The following OPA3 variants were observed in gnomAD, a reference collection of about 807,000 sequenced individuals.
The protein encoded by OPA3 is outer mitochondrial membrane lipid metabolism regulator OPA3.
In OPA3, 6 loss-of-function variants were observed where a neutral mutation model predicts 4.0. That is an observed-to-expected ratio of 1.51 (90% CI 0.83 to 2.99). The LOEUF (loss-of-function observed/expected upper bound fraction) is 2.99. OPA3 is among the 30% of genes most tolerant of loss of function. OPA3 has a pLI of 0.00. For missense variants in OPA3, 235 were observed against 256.2 expected (o/e 0.92, Z 0.56); for synonymous variants, 105 against 117.1 (o/e 0.90, Z 0.67).
chr19:45,571,579 CATATA>C (rs139564470), intron 1 of OPA3, among the ~76,000 whole-genome samples: 3,265 of 152,210 alleles, frequency 0.021, 102 homozygotes, highest in East Asian at 0.11. Flanking sequence ...GCCTGGCTGC[CATATA>C]ATATAACTGA....
intron 1 of OPA3, among the ~76,000 whole-genome samples, chr19:45,554,489 AG>A (rs1969391414): frequency 6.6e-6 from 1 of 152,204 alleles, no homozygotes. Flanking sequence ...AGCTCTTCAC[AG>A]TGAGGTTTTG....
At chr19:45,532,040 G>A (rs1969066435) in intron 1 of OPA3, among the ~76,000 whole-genome samples, 1 of 152,220 alleles carries the variant, frequency 6.6e-6, no homozygotes, top group Non-Finnish European at 1.5e-5. Flanking sequence ...TGCTAACAGT[G>A]GTGATTTATG....
At chr19:45,540,735 G>A (rs568054189) in intron 1 of OPA3, among the ~76,000 whole-genome samples, 49 of 150,974 alleles carry the variant, frequency 3.2e-4, no homozygotes, top group African/African-American at 1.1e-3. Flanking sequence ...CCTGGGAGGC[G>A]GAGAATGCAG....
At chr19:45,542,782 T>G (rs1192652756), downstream of OPA3, among the ~76,000 whole-genome samples, 2 of 149,320 alleles carry the variant, frequency 1.3e-5, no homozygotes, top group African/African-American at 4.9e-5. Context: ...CAAGTGATTC[T>G]CCTGCCTCAG....
At chr19:45,555,583 C>T (rs1037030576) in intron 1 of OPA3, among the ~76,000 whole-genome samples, 11 of 152,106 alleles carry the variant, frequency 7.2e-5, no homozygotes, top group African/African-American at 1.9e-4. Flanking sequence ...CTCCGCCACC[C>T]GGGTTCACAC....
chr19:45,554,433 C>T (rs141245568), intron 1 of OPA3, among the ~76,000 whole-genome samples: 214 of 152,300 alleles, frequency 1.4e-3, no homozygotes, highest in African/African-American at 4.9e-3. Context: ...CTGATGGCTC[C>T]AATCCTAGAA....
intron 1 of OPA3, among the ~76,000 whole-genome samples, chr19:45,581,054 C>T (rs1038615373): frequency 6.6e-6 from 1 of 152,224 alleles, no homozygotes; most frequent in Non-Finnish European, 1.5e-5. Flanking sequence ...ATGACCTGAG[C>T]AATTAACTGC....
chr19:45,584,329 T>C, intron 1 of OPA3: 10 of 985,186 alleles, frequency 1.0e-5, no homozygotes, highest in Non-Finnish European at 1.2e-5. Flanking sequence ...TCCAAATTTC[T>C]CCCATCTCTC....
rs139637265 is a variant in OPA3, at chr19:45,553,269, G to A, written c.*245C>T. The A allele has an allele frequency of 1.4e-6, 2 of 1,424,418 alleles. No homozygotes were observed. Among genetic ancestry groups the A allele is most frequent in the African/African-American group, 1.4e-5 (1 of 69,522 alleles). The allele number at this position is 1,424,418 out of a possible 1,614,324, so 88.2% of individuals were successfully genotyped here. ...GTGTCCTGCTGGCTGGGACCTTGCA[G>A]GTCGTCCTGGTTTGGAGTGGGGGAT... is the stretch of plus-strand genomic sequence containing the variant. On this transcript the variant is annotated 3_prime_UTR_variant, in exon 2 of 2. Coordinates refer to ENST00000263275, the MANE Select transcript of OPA3 (RefSeq NM_025136.4).
At chr19:45,534,560 CA>C (rs71173177) in intron 1 of OPA3, among the ~76,000 whole-genome samples, 189 of 54,990 alleles carry the variant, frequency 3.4e-3, no homozygotes, top group African/African-American at 0.014. Context: ...AACTCTGTCC[CA>C]AAAAAAAAAA....
At chr19:45,530,921 C>T (rs1053763610) in intron 1 of OPA3, among the ~76,000 whole-genome samples, 7 of 125,050 alleles carry the variant, frequency 5.6e-5, no homozygotes, top group African/African-American at 2.1e-4. Context: ...GCCACCATGT[C>T]ACCTACTTTT....
chr19:45,571,572 T>C (rs1031162035), intron 1 of OPA3, among the ~76,000 whole-genome samples: 3 of 151,936 alleles, frequency 2.0e-5, no homozygotes, highest in African/African-American at 7.2e-5. Flanking sequence ...AGCAGCAGCC[T>C]GGCTGCCATA....
chr19:45,529,201 A>G, exon 2 of OPA3: 1 of 1,611,504 alleles, frequency 6.2e-7, no homozygotes, highest in Non-Finnish European at 8.5e-7. Context: ...CAACTCCTCG[A>G]GCGCCAGCCC....
chr19:45,571,367 G>A (rs911865640), intron 1 of OPA3, among the ~76,000 whole-genome samples: 15 of 152,008 alleles, frequency 9.9e-5, no homozygotes, highest in African/African-American at 2.9e-4. Context: ...GGTTGGTCTT[G>A]AACTCCCCGC....
chr19:45,559,343 CTTTCT>C (rs903917171), intron 1 of OPA3, among the ~76,000 whole-genome samples: 5 of 144,690 alleles, frequency 3.5e-5, no homozygotes, highest in Non-Finnish European at 4.5e-5. Context: ...GTCTTTCTTT[CTTTCT>C]TTTCTTTTCT....
At chr19:45,569,903 T>C (rs912908641) in intron 1 of OPA3, among the ~76,000 whole-genome samples, 2 of 152,166 alleles carry the variant, frequency 1.3e-5, no homozygotes, top group Non-Finnish European at 2.9e-5. Flanking sequence ...CAGGCCTTCC[T>C]CAGGGCTTAC....
intron 1 of OPA3, among the ~76,000 whole-genome samples, chr19:45,535,374 T>C (rs866885296): frequency 6.0e-5 from 9 of 149,266 alleles, no homozygotes; most frequent in African/African-American, 2.0e-4. Context: ...TATTACTTTT[T>C]TTTTTTTTTT....
intron 1 of OPA3, among the ~76,000 whole-genome samples, chr19:45,581,253 C>A (rs1969850737): frequency 6.6e-6 from 1 of 152,144 alleles, no homozygotes; most frequent in African/African-American, 2.4e-5. Context: ...AAACACCGAA[C>A]AACCAAGAAT....
chr19:45,578,616 T>C (rs1226191780), intron 1 of OPA3, among the ~76,000 whole-genome samples: 1 of 151,762 alleles, frequency 6.6e-6, no homozygotes, highest in African/African-American at 2.4e-5. Flanking sequence ...TCTCCTGACG[T>C]TGGGAGTTAG....
Sources: allele counts gnomAD v4.1 joint callset (sites outside exome capture counted in the v4.1 genomes callset), GRCh38; gene constraint gnomAD v4.1.1; transcripts MANE v1.5; gene names NCBI Gene and HGNC (gene_info 2026-07-23, HGNC 2026-07-21).